Variants in ENTHD1 observed in about 807,000 individuals in gnomAD.
ENTHD1 encodes the protein ENTH domain containing 1.
ENTHD1 carries 23 observed loss-of-function variants against 39.1 expected under a neutral mutation model. The ratio of observed to expected loss-of-function variants is 0.59; its 90% confidence interval spans 0.42 to 0.83. The LOEUF (loss-of-function observed/expected upper bound fraction) is 0.83, where lower values mean the gene tolerates loss of function less well. ENTHD1 is among the 40% of genes least tolerant of loss of function. The probability of loss-of-function intolerance (pLI) is 0.00; values close to 1 mark genes in which losing one functional copy is unlikely to be tolerated. For synonymous variants in ENTHD1, 230 were observed against 258.2 expected (o/e 0.89, Z 1.05); for missense variants, 624 against 705.4 (o/e 0.88, Z 1.31).
At chr22:39,837,548 A>T (rs2065915358) in intron 3 of ENTHD1, among the ~76,000 whole-genome samples, 1 of 152,250 alleles carries the variant, frequency 6.6e-6, no homozygotes, top group Non-Finnish European at 1.5e-5. Flanking sequence ...GCAGAAAAAA[A>T]CTAATGGTCT....
At chr22:39,756,287 G>GTCTC (rs769318998) in intron 6 of ENTHD1, among the ~76,000 whole-genome samples, 4,240 of 144,334 alleles carry the variant, frequency 0.029, 179 homozygotes, top group African/African-American at 0.091. Context: ...CAATGTCTCT[G>GTCTC]TCTCTCTCTC....
At chr22:39,783,142 C>T (rs2065424067) in intron 5 of ENTHD1, among the ~76,000 whole-genome samples, 1 of 151,914 alleles carries the variant, frequency 6.6e-6, no homozygotes, top group African/African-American at 2.4e-5. Context: ...CAATGCACAA[C>T]CTGAAAAAGA....
At chr22:39,843,995 T>G (rs2065967623) in intron 3 of ENTHD1, among the ~76,000 whole-genome samples, 1 of 152,180 alleles carries the variant, frequency 6.6e-6, no homozygotes, top group South Asian at 2.1e-4. Context: ...TCCATTTACC[T>G]GAGAAATGCT....
chr22:39,807,068 C>T (rs1365993188), intron 5 of ENTHD1, among the ~76,000 whole-genome samples: 3 of 152,132 alleles, frequency 2.0e-5, no homozygotes, highest in Admixed American at 2.0e-4. Context: ...GTTGTTAGAA[C>T]TTTATCCTAA....
chr22:39,862,546 C>CAAA (rs553393294), intron 2 of ENTHD1, among the ~76,000 whole-genome samples: 15 of 70,376 alleles, frequency 2.1e-4, no homozygotes, highest in African/African-American at 7.2e-4. Flanking sequence ...GACTCTGTCT[C>CAAA]AAAAAAAAAA....
At chr22:39,756,283 C>G (rs544849588) in intron 6 of ENTHD1, among the ~76,000 whole-genome samples, 5 of 144,598 alleles carry the variant, frequency 3.5e-5, no homozygotes, top group African/African-American at 1.3e-4. Context: ...CTATCAATGT[C>G]TCTGTCTCTC....
At chr22:39,854,261 AC>A (rs1425277100) in intron 3 of ENTHD1, among the ~76,000 whole-genome samples, 3 of 152,220 alleles carry the variant, frequency 2.0e-5, no homozygotes, top group African/African-American at 7.2e-5. Flanking sequence ...ACAACATTGA[AC>A]AAAAGGATGT....
intron 2 of ENTHD1, among the ~76,000 whole-genome samples, chr22:39,863,150 C>T (rs990163099): frequency 6.6e-6 from 1 of 152,170 alleles, no homozygotes; most frequent in African/African-American, 2.4e-5. Flanking sequence ...ATTACCCAGT[C>T]TGTGATACTC....
At chr22:39,808,341 C>A (rs1039386012) in intron 5 of ENTHD1, among the ~76,000 whole-genome samples, 2 of 152,198 alleles carry the variant, frequency 1.3e-5, no homozygotes, top group Non-Finnish European at 2.9e-5. Flanking sequence ...TCTGTTAAGC[C>A]ACTAGACTGG....
In ENTHD1 at chr22:39,835,867, G is replaced by C. The variant is rs1274941216; in HGVS notation, c.684C>G (p.Leu228=). The stretch of plus-strand genomic sequence containing the variant: ...CTGTTGATTTCCAACCATGAATCTT[G>C]AGTGGAAGTGTTTCCTGGGACAACA... The part of the protein sequence containing the change: ...ETMLSQETLP[L]KIHGWKSTED... The change falls in exon 4 of 7, where the codon CTC becomes CTG. Residue 228 remains leucine (L), a synonymous_variant. Coordinates refer to ENST00000325157, the MANE Select transcript of ENTHD1 (RefSeq NM_152512.4). 6.2e-7 allele frequency: 1 copy of C among 1,608,860 alleles called. No homozygotes were observed. The highest frequency in any genetic ancestry group is 8.5e-7 in the Non-Finnish European group (1 of 1,177,212).
At chr22:39,850,794 C>A (rs1468878083) in intron 3 of ENTHD1, among the ~76,000 whole-genome samples, 2 of 152,142 alleles carry the variant, frequency 1.3e-5, no homozygotes, top group African/African-American at 4.8e-5. Flanking sequence ...ACCTTTAGAA[C>A]ACAACTCTGG....
chr22:39,786,673 A>T (rs867330407), intron 5 of ENTHD1, among the ~76,000 whole-genome samples: 12 of 150,832 alleles, frequency 8.0e-5, no homozygotes, highest in South Asian at 2.1e-4. Flanking sequence ...AACTTTATAC[A>T]CTTTAACCAA....
chr22:39,791,171 T>A (rs1447640246), intron 5 of ENTHD1, among the ~76,000 whole-genome samples: 1 of 147,420 alleles, frequency 6.8e-6, no homozygotes, highest in Non-Finnish European at 1.5e-5. Flanking sequence ...GTTATATATA[T>A]TATATATATA....
Position 39,770,271 on chromosome 22 carries a change from G to A in ENTHD1, c.833-4662C>T, listed in dbSNP as rs1601582748. Among the ~76,000 whole-genome samples, 6 of 152,226 alleles carry A rather than the reference G, an allele frequency of 3.9e-5. 2 individuals are homozygous for A. The highest frequency in any genetic ancestry group is 3.9e-4 in the Admixed American group (6 of 15,292). Reference sequence around the variant, plus strand: ...GTGCTGCCAACAAGAGGTGCTAGAGGGAGATGGGAAGGTTAGAGTAGGAAG... The same window carrying A: ...GTGCTGCCAACAAGAGGTGCTAGAGAGAGATGGGAAGGTTAGAGTAGGAAG... On this transcript the variant is annotated intron_variant, in intron 5 of 6. Transcript: ENST00000325157.
chr22:39,835,500 A>G (rs918749778), intron 4 of ENTHD1, among the ~76,000 whole-genome samples: 4 of 152,124 alleles, frequency 2.6e-5, no homozygotes, highest in Admixed American at 2.0e-4. Flanking sequence ...ATTTCTCAAG[A>G]TTTTTTTAAT....
chr22:39,852,470 G>A (rs909606421), intron 3 of ENTHD1, among the ~76,000 whole-genome samples: 1 of 152,154 alleles, frequency 6.6e-6, no homozygotes, highest in African/African-American at 2.4e-5. Context: ...AAATAAAAAA[G>A]AAACAGTTAT....
At chr22:39,848,505 G>T (rs982011021) in intron 3 of ENTHD1, among the ~76,000 whole-genome samples, 1 of 152,046 alleles carries the variant, frequency 6.6e-6, no homozygotes, top group Admixed American at 6.6e-5. Flanking sequence ...ACCTACCTTG[G>T]CCTCCCAAAG....
intron 2 of ENTHD1, chr22:39,875,969 A>C: frequency 6.2e-7 from 1 of 1,613,952 alleles, no homozygotes; most frequent in Non-Finnish European, 8.5e-7. Context: ...ACCCATTGCA[A>C]ATGCAGGAGA....
intron 3 of ENTHD1, among the ~76,000 whole-genome samples, chr22:39,860,626 T>C (rs1408737378): frequency 6.6e-6 from 1 of 152,276 alleles, no homozygotes; most frequent in Admixed American, 6.5e-5. Context: ...GAATGATTTT[T>C]AGCAAGCTTA....
Sources: allele counts gnomAD v4.1 joint callset (sites outside exome capture counted in the v4.1 genomes callset), GRCh38; gene constraint gnomAD v4.1.1; transcripts MANE v1.5; gene names NCBI Gene and HGNC (gene_info 2026-07-23, HGNC 2026-07-21).